Variants in ATAD3A observed in about 807,000 individuals in gnomAD.
ATAD3A encodes the protein ATPase family AAA domain-containing protein 3A.
Under a neutral mutation model 73.8 loss-of-function variants are expected in ATAD3A, and 46 were observed. The ratio of observed to expected loss-of-function variants is 0.62; its 90% CI spans 0.49 to 0.80. ATAD3A has a LOEUF of 0.80. ATAD3A is among the 30% of genes least tolerant of loss of function. ATAD3A has a pLI of 0.00. For missense variants in ATAD3A, 705 were observed against 838.0 expected (o/e 0.84, Z 1.96); for synonymous variants, 319 against 350.0 (o/e 0.91, Z 0.99).
chr1:1,519,061 G>T, intron 5 of ATAD3A, 71 bp downstream of exon 5: 1 of 1,611,554 alleles, frequency 6.2e-7, no homozygotes, highest in Non-Finnish European at 8.5e-7. Context: ...TGCACTCTGA[G>T]CCTGAGTTCT....
At position 1,516,970 on chromosome 1, in the gene ATAD3A, C is replaced by A. The variant is rs1462923552; in HGVS notation, c.283-341C>A. On this transcript the variant is annotated intron_variant, in intron 2 of 15. Coordinates refer to ENST00000378756, the MANE Select transcript of ATAD3A (RefSeq NM_001170535.3). ...CAGTTGATCCACCCACTTTGGCCTC[C>A]CAAAGTGCTGGGATTATAAGCGAGA... 3.7e-6 allele frequency: 4 copies of A among 1,086,032 alleles called. No individual in the cohort carries two copies. The East Asian group carries it at 8.0e-5, about 22-fold the overall frequency. 67.3% of individuals were successfully genotyped at this position (1,086,032 alleles called of 1,614,324 possible). A position where few individuals can be genotyped will look rare whatever the true frequency, so the allele number is the denominator to read the frequency against.
chr1:1,522,532 CCT>C (rs1193605080), intron 7 of ATAD3A, among the ~76,000 whole-genome samples: 3 of 152,198 alleles, frequency 2.0e-5, no homozygotes, highest in Non-Finnish European at 4.4e-5. Context: ...AGAAAATGGC[CCT>C]GAGTGAGGGC....
chr1:1,520,053 G>T lies in ATAD3A; in HGVS notation c.515-88G>T, dbSNP rs929316543. The T allele has an allele frequency of 2.0e-6, 3 of 1,522,626 alleles. No individual in the cohort carries two copies. The highest frequency in any genetic ancestry group is 2.4e-5 in the East Asian group (1 of 41,106). 94.3% of individuals were successfully genotyped at this position (1,522,626 alleles called of 1,614,324 possible). On this transcript the variant is annotated intron_variant, in intron 5 of 15. Coordinates refer to ENST00000378756, the MANE Select transcript of ATAD3A (RefSeq NM_001170535.3). The surrounding 1 kb of genome is among the most constrained non-coding windows in gnomAD (Gnocchi z 4.0). Reference sequence around the variant, plus strand: ...CGTTGGTCTGTCCGTGGCGTGGGCCGGTCCGTGGCGTGGGCCGGTCCACAG... The same window carrying T: ...CGTTGGTCTGTCCGTGGCGTGGGCCTGTCCGTGGCGTGGGCCGGTCCACAG...
Position 1,520,186 on chromosome 1 carries a change from T to C in ATAD3A, c.560T>C (p.Leu187Pro), listed in dbSNP as rs1458517417. 1.2e-6 allele frequency: 2 copies of C among 1,611,944 alleles called. No homozygotes were observed. The highest frequency in any genetic ancestry group is 1.7e-6 in the Non-Finnish European group (2 of 1,179,624). The change falls in exon 6 of 16, where the codon CTG becomes CCG. Residue 187 changes from leucine (L) to proline (P), a missense_variant. Coordinates refer to ENST00000378756, the MANE Select transcript of ATAD3A (RefSeq NM_001170535.3). This position sits in a 1 kb window ranked among gnomAD's most constrained non-coding sequence, Gnocchi z 4.0. ...GAGCTGCGGCACAAGAATGAGATGC[T>C]GCGAGTGGAGGCCGAGGCCCGGGCG... ...EMELRHKNEMLRVEAEARARA... is the reference protein window; with the variant it reads ...EMELRHKNEMPRVEAEARARA...
chr1:1,528,778 C>G (rs964697452), intron 14 of ATAD3A, among the ~76,000 whole-genome samples: 1 of 152,248 alleles, frequency 6.6e-6, no homozygotes, highest in Non-Finnish European at 1.5e-5. Context: ...TTGCCGCTGC[C>G]GCCTGCTCCA....
intron 1 of ATAD3A, among the ~76,000 whole-genome samples, chr1:1,515,283 G>A (rs1227022304): frequency 1.3e-5 from 2 of 152,102 alleles, no homozygotes; most frequent in Non-Finnish European, 2.9e-5. Flanking sequence ...CACCACATTG[G>A]TCAGGCCGGT....
Position 1,520,227 on chromosome 1 carries a change from C to T in ATAD3A, c.601C>T (p.Arg201Trp), listed in dbSNP as rs1307752435. Residue 201 changes from arginine to tryptophan, a missense_variant, in exon 6 of 16, where the codon CGG becomes TGG. This residue lies in a region of ATAD3A where 315 missense variants were observed against 334.1 expected (regional missense o/e 0.94). Coordinates refer to ENST00000378756, the MANE Select transcript of ATAD3A (RefSeq NM_001170535.3). The surrounding 1 kb of genome is among the most constrained non-coding windows in gnomAD (Gnocchi z 4.0). ...GGCCCGGGCGCGCGCCAAGGCCGAGCGGGAGAATGCAGACATCATCCGCGA... is the reference window on the plus strand; with the variant it reads ...GGCCCGGGCGCGCGCCAAGGCCGAGTGGGAGAATGCAGACATCATCCGCGA... ...AEARARAKAE[R>W]ENADIIREQI... The T allele has an allele frequency of 4.3e-6, 7 of 1,612,288 alleles. No homozygotes were observed. Among genetic ancestry groups the T allele is most frequent in the East Asian group, 2.2e-5 (1 of 44,886 alleles).
chr1:1,526,170 G>A (rs1346671067), intron 12 of ATAD3A, among the ~76,000 whole-genome samples: 1 of 151,898 alleles, frequency 6.6e-6, no homozygotes, highest in East Asian at 1.9e-4. Flanking sequence ...CTACAGGTGC[G>A]CCACCACGCC....
chr1:1,517,639 TC>T, intron 3 of ATAD3A, 76 bp from the exon 4 acceptor site: 1 of 858,712 alleles, frequency 1.2e-6, no homozygotes, highest in Non-Finnish European at 1.8e-6. Flanking sequence ...CGCGTCGGAG[TC>T]CCCGGCGCTC....
At position 1,526,252 on chromosome 1, in the gene ATAD3A, C is replaced by T. The variant is rs544503714; in HGVS notation, c.1267-209C>T. Among the ~76,000 whole-genome samples, 41 of 152,066 alleles carry T rather than the reference C, an allele frequency of 2.7e-4. 1 individual carries two copies. The highest frequency in any genetic ancestry group is 5.7e-4 in the Non-Finnish European group (39 of 68,004). On this transcript the variant is annotated intron_variant, in intron 12 of 15. Transcript: ENST00000378756. Reference sequence around the variant, plus strand: ...GCCAGGATGGTCTCAAACTCCTTACCTCGTGTGATCTGCCCGCCTCAGCCT... The same window carrying T: ...GCCAGGATGGTCTCAAACTCCTTACTTCGTGTGATCTGCCCGCCTCAGCCT...
chr1:1,525,355 C>T lies in ATAD3A; in HGVS notation c.1266+64C>T, dbSNP rs1335310029. On this transcript the variant is annotated intron_variant, in intron 12 of 15. Coordinates refer to ENST00000378756, the MANE Select transcript of ATAD3A (RefSeq NM_001170535.3). The stretch of plus-strand genomic sequence containing the variant: ...GGGTGGGCACAGCCGTCTGCCTGGG[C>T]CAGGCTGCAGCCCTCTGTTCAGTTT... 10 of 1,595,036 alleles carry T rather than the reference C, an allele frequency of 6.3e-6. No homozygotes were observed. In the Admixed American group the frequency reaches 1.0e-4, roughly 16 times the overall value.
At position 1,531,254 on chromosome 1, in the gene ATAD3A, A is replaced by G. The variant is rs536568735; in HGVS notation, c.1614+1923A>G. On this transcript the variant is annotated intron_variant, in intron 15 of 15. Coordinates refer to ENST00000378756, the MANE Select transcript of ATAD3A (RefSeq NM_001170535.3). ...CAGATCACGAGGTCAAGAGATGGAG[A>G]CCATCTGGCCAAATGGTGAAACCCC... Among the ~76,000 whole-genome samples the G allele has an allele frequency of 3.9e-5, 6 of 152,110 alleles. No homozygotes were observed. The South Asian group carries it at 8.3e-4, about 21-fold the overall frequency.
chr1:1,512,312 G>A lies in ATAD3A; in HGVS notation c.44G>A (p.Gly15Asp), dbSNP rs2274435. 0.028 allele frequency: 34,524 copies of A among 1,246,068 alleles called. 3,480 individuals are homozygous for A. The East Asian group carries it at 0.29, about 10-fold the overall frequency. 77.2% of individuals were successfully genotyped at this position (1,246,068 alleles called of 1,614,324 possible). Residue 15 changes from glycine to aspartate, a missense_variant, in exon 1 of 16, where the codon GGC (glycine) becomes GAC (aspartate). Gly to Asp is a moderately conservative substitution (Grantham distance 94). Around this residue, in one of 5 missense-constraint regions of ATAD3A, gnomAD observed 125 missense variants for 170.6 expected, o/e 0.73. Transcript: ENST00000378756. ...ATTAACAAGGGCCCCAAGGGTGAAG[G>A]CGCGGGGCCGCCGCCGCCTTTGCCG... ...FGINKGPKGE[G>D]AGPPPPLPPA...
chr1:1,517,093 G>A, intron 2 of ATAD3A: 1 of 1,528,720 alleles, frequency 6.5e-7, no homozygotes, highest in Non-Finnish European at 8.8e-7. Flanking sequence ...CCTCCCGGGG[G>A]GCCTTCGCGG....
chr1:1,522,594 G>A (rs1641638039), intron 7 of ATAD3A, 150 bp from the exon 8 acceptor site: 1 of 1,470,542 alleles, frequency 6.8e-7, no homozygotes. Context: ...GTGGGATTCG[G>A]GGCCGGGAAT....
At chr1:1,530,298 G>T (rs568613194) in intron 15 of ATAD3A, among the ~76,000 whole-genome samples, 1 of 151,720 alleles carries the variant, frequency 6.6e-6, no homozygotes, top group Non-Finnish European at 1.5e-5. Flanking sequence ...AGCATTTGGG[G>T]AGGCCAAGTT....
Position 1,518,805 on chromosome 1 carries a change from A to C in ATAD3A, c.445-116A>C, listed in dbSNP as rs1162979270. On this transcript the variant is annotated intron_variant, in intron 4 of 15. Transcript: ENST00000378756. ...ACCCCCCGCAAACGGGCACCGTCAC[A>C]CCCCGCAAACGGGCACACTCACCCC... The C allele has an allele frequency of 1.8e-4, 286 of 1,561,918 alleles. 1 individual carries two copies. Among genetic ancestry groups the C allele is most frequent in the Middle Eastern group, 1.7e-4 (1 of 5,858 alleles).
intron 15 of ATAD3A, among the ~76,000 whole-genome samples, chr1:1,530,828 C>CAA (rs1174830616): frequency 0.019 from 259 of 13,364 alleles, 54 homozygotes; most frequent in African/African-American, 0.15. Context: ...GACTCCGTCT[C>CAA]AAAAAAAAAA....
intron 4 of ATAD3A, among the ~76,000 whole-genome samples, 184 bp downstream of exon 4, chr1:1,517,959 G>A (rs1424539878): frequency 1.3e-5 from 2 of 151,810 alleles, no homozygotes; most frequent in Non-Finnish European, 2.9e-5. Context: ...ACATGCAGAC[G>A]TGTGCACACA....
Sources: allele counts gnomAD v4.1 joint callset (sites outside exome capture counted in the v4.1 genomes callset), GRCh38; gene constraint gnomAD v4.1.1; regional missense constraint gnomAD v4.1.1; non-coding constraint Gnocchi (gnomAD v3.1); transcripts MANE v1.5; gene names NCBI Gene and HGNC (gene_info 2026-07-23, HGNC 2026-07-21).